Variants in SCFD2 observed in about 807,000 individuals in gnomAD.
SCFD2 encodes sec1 family domain containing 2.
In SCFD2, 54 loss-of-function variants were observed where a neutral mutation model predicts 58.9. That is an observed-to-expected ratio of 0.92 (90% CI 0.74 to 1.15). The LOEUF is 1.15. SCFD2 is among the 50% of genes most tolerant of loss of function. The pLI, the probability that SCFD2 is intolerant of heterozygous loss-of-function variation, is 0.00. For synonymous variants in SCFD2, 321 were observed against 335.9 expected, an observed-to-expected ratio of 0.96 and a Z score of 0.49; for missense variants, 805 against 836.6, an observed-to-expected ratio of 0.96 and a Z score of 0.47.
In SCFD2 at chr4:53,229,728, A is replaced by G. The variant is rs376573482; in HGVS notation, c.1311+44098T>C. ...AGGCATGGGCAAGGACTTCATGTCTAAAACACCAAAAGCAATGGCAACAAA... is the reference window on the plus strand; with the variant it reads ...AGGCATGGGCAAGGACTTCATGTCTGAAACACCAAAAGCAATGGCAACAAA... On this transcript the variant is annotated intron_variant, in intron 4 of 8. Transcript: ENST00000401642. Among the ~76,000 whole-genome samples the G allele has an allele frequency of 7.2e-4, 110 of 152,354 alleles. 2 individuals carry two copies. In the East Asian group the frequency reaches 0.018, roughly 25 times the overall value.
chr4:53,239,630 A>G (rs1189231283), intron 4 of SCFD2, among the ~76,000 whole-genome samples: 4 of 152,084 alleles, frequency 2.6e-5, no homozygotes, highest in Non-Finnish European at 5.9e-5. Context: ...GATTACAGGC[A>G]TGTGCCACCA....
At position 53,030,486 on chromosome 4, in the gene SCFD2, G is replaced by A. The variant is rs140097394; in HGVS notation, c.1562-109616C>T. On this transcript the variant is annotated intron_variant, in intron 5 of 8. Coordinates refer to ENST00000401642, the MANE Select transcript of SCFD2 (RefSeq NM_152540.4). ...CACCCAGGCTGGAGTGCAGTGGCGC[G>A]ATCTCAGCTCACTGCAACCTCTGCC... 3.0e-3 allele frequency among the ~76,000 whole-genome samples: 451 copies of A among 151,772 alleles called. 5 individuals are homozygous for A. The highest frequency in any genetic ancestry group is 8.7e-3 in the African/African-American group (360 of 41,388).
At chr4:52,895,597 G>A (rs1718987438) in intron 7 of SCFD2, among the ~76,000 whole-genome samples, 1 of 152,168 alleles carries the variant, frequency 6.6e-6, no homozygotes, top group Non-Finnish European at 1.5e-5. Flanking sequence ...TTGGTTCCAA[G>A]TCTTTGCTAT....
At chr4:53,203,279 G>C (rs958227024) in intron 4 of SCFD2, among the ~76,000 whole-genome samples, 2 of 152,126 alleles carry the variant, frequency 1.3e-5, no homozygotes, top group Non-Finnish European at 2.9e-5. Context: ...CATCTATTGA[G>C]ATAATCATGT....
Position 53,113,397 on chromosome 4 carries a change from G to A in SCFD2, c.1561+31936C>T, listed in dbSNP as rs146329372. Among the ~76,000 whole-genome samples the A allele has an allele frequency of 4.9e-3, 744 of 152,178 alleles. 7 individuals are homozygous for A. Among genetic ancestry groups the A allele is most frequent in the Non-Finnish European group, 6.1e-3 (413 of 67,980 alleles). ...TGGCAGCTCTGTTTGCCTGTGTCCT[G>A]GAGTAAGGGGGACAAAAATACTGAT... On this transcript the variant is annotated intron_variant, in intron 5 of 8. Transcript: ENST00000401642.
At chr4:53,139,111 T>G (rs1157252902) in intron 5 of SCFD2, among the ~76,000 whole-genome samples, 4 of 152,194 alleles carry the variant, frequency 2.6e-5, no homozygotes, top group African/African-American at 9.6e-5. Context: ...CCGCAAGTGA[T>G]CTGCCAGCCT....
At chr4:53,180,675 G>C (rs904297564) in intron 4 of SCFD2, among the ~76,000 whole-genome samples, 1 of 152,088 alleles carries the variant, frequency 6.6e-6, no homozygotes, top group African/African-American at 2.4e-5. Flanking sequence ...AGGAAACAGA[G>C]ACACAAAAAA....
chr4:52,971,336 C>G (rs1447584201), intron 5 of SCFD2, among the ~76,000 whole-genome samples: 1 of 152,176 alleles, frequency 6.6e-6, no homozygotes, highest in African/African-American at 2.4e-5. Flanking sequence ...CCTGACGGAG[C>G]TGAAAACCAT....
At chr4:53,057,560 G>GTGGGA (rs1723380480) in intron 5 of SCFD2, among the ~76,000 whole-genome samples, 1 of 152,082 alleles carries the variant, frequency 6.6e-6, no homozygotes, top group African/African-American at 2.4e-5. Flanking sequence ...GAGGGGTGGG[G>GTGGGA]GGTGAGGGGA....
intron 4 of SCFD2, among the ~76,000 whole-genome samples, chr4:53,173,517 T>G (rs1330663648): frequency 6.6e-6 from 1 of 152,190 alleles, no homozygotes; most frequent in Non-Finnish European, 1.5e-5. Flanking sequence ...AGTTGGGTCT[T>G]GTTTCTTCAT....
Position 53,253,405 on chromosome 4 carries a change from C to A in SCFD2, c.1311+20421G>T, listed in dbSNP as rs1385022661. Among the ~76,000 whole-genome samples, 7 of 151,974 alleles carry A rather than the reference C, an allele frequency of 4.6e-5. No homozygotes were observed. The South Asian group carries it at 1.5e-3, about 32-fold the overall frequency. ...CATTACTGGGTATATACCCAAAGGA[C>A]TATAAATCATGCTGCTATAAAGACA... On this transcript the variant is annotated intron_variant, in intron 4 of 8. Coordinates refer to ENST00000401642, the MANE Select transcript of SCFD2 (RefSeq NM_152540.4).
In SCFD2 at chr4:53,362,771, A is replaced by C. The variant is rs184345077; in HGVS notation, c.838+2333T>G. On this transcript the variant is annotated intron_variant, in intron 1 of 8. Transcript: ENST00000401642. ...GGGTGAAAATACAGAGAAAAGGAAA[A>C]AATGATGATCTAAGAAAGGGAGAGG... Among the ~76,000 whole-genome samples the C allele has an allele frequency of 5.9e-5, 9 of 152,298 alleles. No individual in the cohort carries two copies. The East Asian group carries it at 1.7e-3, about 29-fold the overall frequency.
At chr4:52,876,401 T>C (rs1259296635) in intron 8 of SCFD2, among the ~76,000 whole-genome samples, 2 of 152,132 alleles carry the variant, frequency 1.3e-5, no homozygotes, top group African/African-American at 4.8e-5. Context: ...GATTTTGTGT[T>C]ATAGTTTTAG....
rs1347520729 is a variant in SCFD2 at position 53,273,807 on chromosome 4, G to A, written c.1311+19C>T. 6.3e-6 allele frequency: 10 copies of A among 1,588,544 alleles called. No individual in the cohort carries two copies. Among genetic ancestry groups the A allele is most frequent in the Non-Finnish European group, 8.6e-6 (10 of 1,168,604 alleles). On this transcript the variant is annotated intron_variant, in intron 4 of 8. Coordinates refer to ENST00000401642, the MANE Select transcript of SCFD2 (RefSeq NM_152540.4). Reference sequence around the variant, plus strand: ...AACATTAATTATTAAGATCCCACGAGGTTCCCATAGCAACATACCTGAAGA... The same window carrying A: ...AACATTAATTATTAAGATCCCACGAAGTTCCCATAGCAACATACCTGAAGA...
At chr4:53,126,601 C>A (rs537617863) in intron 5 of SCFD2, among the ~76,000 whole-genome samples, 78 of 152,204 alleles carry the variant, frequency 5.1e-4, no homozygotes, top group Non-Finnish European at 1.0e-3. Context: ...CAAGTGTGAG[C>A]CACCACGCCC....
intron 4 of SCFD2, among the ~76,000 whole-genome samples, chr4:53,240,630 C>T (rs1156887629): frequency 6.6e-6 from 1 of 152,198 alleles, no homozygotes; most frequent in Non-Finnish European, 1.5e-5. Context: ...TCATTCAAAA[C>T]AACTTCTGAT....
intron 4 of SCFD2, among the ~76,000 whole-genome samples, chr4:53,175,063 C>T (rs1727288601): frequency 6.6e-6 from 1 of 152,088 alleles, no homozygotes; most frequent in Non-Finnish European, 1.5e-5. Context: ...ATTTTTCTCC[C>T]CCCACAATGG....
At chr4:53,045,373 AT>A (rs1260320602) in intron 5 of SCFD2, among the ~76,000 whole-genome samples, 1 of 152,102 alleles carries the variant, frequency 6.6e-6, no homozygotes, top group East Asian at 1.9e-4. Flanking sequence ...TGTAAATGCA[AT>A]TTGTGTTTTA....
chr4:53,197,763 A>G (rs978215569), intron 4 of SCFD2, among the ~76,000 whole-genome samples: 5 of 151,546 alleles, frequency 3.3e-5, no homozygotes, highest in Admixed American at 6.6e-5. Context: ...AAAAAAAAAA[A>G]AAAAGAAATG....
Sources: gnomAD v4.1 joint callset for allele counts (sites outside exome capture counted in the v4.1 genomes callset) on GRCh38, gnomAD v4.1.1 for gene constraint, MANE v1.5 for transcripts, NCBI Gene and HGNC (gene_info 2026-07-23, HGNC 2026-07-21) for gene names.